Variants in DR1 observed in about 807,000 individuals in gnomAD.
The protein encoded by DR1 is protein Dr1.
A neutral mutation model predicts 19.9 loss-of-function variants in DR1; 7 were observed. That is an observed-to-expected ratio of 0.35 (90% confidence interval 0.20 to 0.66). The LOEUF (loss-of-function observed/expected upper bound fraction) is 0.66, where lower values mean the gene tolerates loss of function less well. Among genes scored for constraint, DR1 ranks in the 30% least tolerant of loss-of-function variants. The probability of loss-of-function intolerance (pLI) is 0.66; values close to 1 mark genes in which losing one functional copy is unlikely to be tolerated. For synonymous variants in DR1, 76 were observed against 72.5 expected, an observed-to-expected ratio of 1.05 and a Z score of -0.24; for missense variants, 98 against 203.7, an observed-to-expected ratio of 0.48 and a Z score of 3.16.
At chr1:93,358,267 T>C (rs1336194003) in intron 2 of DR1, among the ~76,000 whole-genome samples, 1 of 152,184 alleles carries the variant, frequency 6.6e-6, no homozygotes, top group Non-Finnish European at 1.5e-5. Context: ...CTGGACCTAG[T>C]ACTCTGCAAG....
At chr1:93,357,711 A>T (rs1667006115) in intron 2 of DR1, among the ~76,000 whole-genome samples, 1 of 151,820 alleles carries the variant, frequency 6.6e-6, no homozygotes, top group Non-Finnish European at 1.5e-5. Context: ...CTCTTCCTTT[A>T]TTAGTCTCTG....
Position 93,369,048 on chromosome 1 carries a change from ATAT to A in DR1, c.*8413_*8415del, listed in dbSNP as rs1667203286. On this transcript the variant is annotated 3_prime_UTR_variant, in exon 3 of 3. Coordinates refer to ENST00000370272, the MANE Select transcript of DR1 (RefSeq NM_001938.3). ...TTATATATCATTTACATTATGTTAGATATTATAATCTAGAGATGATTAGCATCC... is the reference window on the plus strand; with the variant it reads ...TTATATATCATTTACATTATGTTAGATATAATCTAGAGATGATTAGCATCC... The A allele has an allele frequency of 6.6e-6, 1 of 152,124 alleles. No individual in the cohort carries two copies. 9.4% of individuals were successfully genotyped at this position (152,124 alleles called of 1,614,324 possible). A position where few individuals can be genotyped will look rare whatever the true frequency, so the allele number is the denominator to read the frequency against.
chr1:93,360,973 G>T lies in DR1; in HGVS notation c.*334G>T. 1 of 167,700 alleles carries T rather than the reference G, an allele frequency of 6.0e-6. No individual in the cohort carries two copies. Among genetic ancestry groups the T allele is most frequent in the South Asian group, 1.5e-4 (1 of 6,880 alleles). 10.4% of individuals were successfully genotyped at this position (167,700 alleles called of 1,614,324 possible). A position where few individuals can be genotyped will look rare whatever the true frequency, so the allele number is the denominator to read the frequency against. Reference sequence around the variant, plus strand: ...AAAAATACAGTGAAATTTCTACAAAGCTCTAAATCTGCATTTGCATTTCCT... The same window carrying T: ...AAAAATACAGTGAAATTTCTACAAATCTCTAAATCTGCATTTGCATTTCCT... On this transcript the variant is annotated 3_prime_UTR_variant, in exon 3 of 3. Transcript: ENST00000370272.
At position 93,360,911 on chromosome 1, in the gene DR1, G is replaced by C. The variant is rs1667044481; in HGVS notation, c.*272G>C. ...TTAGATAGCAGCGAGTCCTTCGTTT[G>C]ATCAATAAACAGTGTTACAGATAAC... On this transcript the variant is annotated 3_prime_UTR_variant, in exon 3 of 3. Coordinates refer to ENST00000370272, the MANE Select transcript of DR1 (RefSeq NM_001938.3). 3.2e-5 allele frequency: 10 copies of C among 309,138 alleles called. No individual in the cohort carries two copies. The allele number at this position is 309,138 out of a possible 1,614,324, so 19.1% of individuals were successfully genotyped here. A position where few individuals can be genotyped will look rare whatever the true frequency, so the allele number is the denominator to read the frequency against.
At position 93,346,531 on chromosome 1, in the gene DR1, C is replaced by A; in HGVS notation, c.-115C>A. On this transcript the variant is annotated 5_prime_UTR_variant, in exon 1 of 3. Coordinates refer to ENST00000370272, the MANE Select transcript of DR1 (RefSeq NM_001938.3). ...CCGTTCATTTTCTGCACCCTCTTCG[C>A]AAAGCACCCCCCGGGATCACTCTCC... 1.3e-6 allele frequency: 1 copy of A among 793,740 alleles called. No individual in the cohort carries two copies. The highest frequency in any genetic ancestry group is 2.0e-6 in the Non-Finnish European group (1 of 492,080). 49.2% of individuals were successfully genotyped at this position (793,740 alleles called of 1,614,324 possible). A position where few individuals can be genotyped will look rare whatever the true frequency, so the allele number is the denominator to read the frequency against.
rs988565069 is a variant in DR1 at position 93,346,243 on chromosome 1, G to T, written c.-403G>T. ...ATAGAGCCGAGCCCGCTGGGTACCC[G>T]CCCGGTACCGCGGCGAGGCCAGTGC... On this transcript the variant is annotated 5_prime_UTR_variant, in exon 1 of 3. Coordinates refer to ENST00000370272, the MANE Select transcript of DR1 (RefSeq NM_001938.3). 1.2e-5 allele frequency: 3 copies of T among 248,926 alleles called. No individual in the cohort carries two copies. The highest frequency in any genetic ancestry group is 5.2e-5 in the Admixed American group (1 of 19,312). 15.4% of individuals were successfully genotyped at this position (248,926 alleles called of 1,614,324 possible).
In DR1 at chr1:93,366,405, G is replaced by C. The variant is rs1427889975; in HGVS notation, c.*5766G>C. ...GTCCTAATAGGCTTGTTATTTTTGAGTGCACAGATCTGTATATTCGCAATT... is the reference window on the plus strand; with the variant it reads ...GTCCTAATAGGCTTGTTATTTTTGACTGCACAGATCTGTATATTCGCAATT... On this transcript the variant is annotated 3_prime_UTR_variant, in exon 3 of 3. Transcript: ENST00000370272. 6.6e-6 allele frequency: 1 copy of C among 152,080 alleles called. No individual in the cohort carries two copies. The highest frequency in any genetic ancestry group is 1.5e-5 in the Non-Finnish European group (1 of 68,026). The allele number at this position is 152,080 out of a possible 1,614,324, so 9.4% of individuals were successfully genotyped here.
rs1667054569 is a variant in DR1, at chr1:93,361,705, T to C, written c.*1066T>C. 6.6e-6 allele frequency: 1 copy of C among 152,510 alleles called. No individual in the cohort carries two copies. The highest frequency in any genetic ancestry group is 1.5e-5 in the Non-Finnish European group (1 of 67,908). 9.4% of individuals were successfully genotyped at this position (152,510 alleles called of 1,614,324 possible). A position where few individuals can be genotyped will look rare whatever the true frequency, so the allele number is the denominator to read the frequency against. On this transcript the variant is annotated 3_prime_UTR_variant, in exon 3 of 3. Coordinates refer to ENST00000370272, the MANE Select transcript of DR1 (RefSeq NM_001938.3). ...CATTATTGTCTCCATAATTGAGTGA[T>C]AGCTTTAAAAAAAAGATTAGTTTTG... is the stretch of plus-strand genomic sequence containing the variant.
At chr1:93,355,869 T>C (rs1666974351) in intron 2 of DR1, 1 of 152,238 alleles carries the variant, frequency 6.6e-6, no homozygotes, top group Non-Finnish European at 1.5e-5. Flanking sequence ...TTTTTATCAC[T>C]TTCATTTTGT....
At chr1:93,357,329 T>A (rs1667000934) in intron 2 of DR1, among the ~76,000 whole-genome samples, 1 of 152,028 alleles carries the variant, frequency 6.6e-6, no homozygotes, top group African/African-American at 2.4e-5. Context: ...CCAAACCCTT[T>A]CATCTTTTGC....
rs1242782596 is a variant in DR1, at chr1:93,369,348, A to T, written c.*8709A>T. On this transcript the variant is annotated 3_prime_UTR_variant, in exon 3 of 3. Coordinates refer to ENST00000370272, the MANE Select transcript of DR1 (RefSeq NM_001938.3). ...GGATAGCAAAATTGTGTGCTTTTGC[A>T]AGGTAATTGTAGAACTCATTCTAAG... 6.6e-6 allele frequency: 1 copy of T among 152,214 alleles called. No homozygotes were observed. 9.4% of individuals were successfully genotyped at this position (152,214 alleles called of 1,614,324 possible).
Position 93,346,589 on chromosome 1 carries a change from A to C in DR1, c.-57A>C. 2 of 1,399,634 alleles carry C rather than the reference A, an allele frequency of 1.4e-6. No individual in the cohort carries two copies. Among genetic ancestry groups the C allele is most frequent in the Non-Finnish European group, 2.0e-6 (2 of 996,136 alleles). 86.7% of individuals were successfully genotyped at this position (1,399,634 alleles called of 1,614,324 possible). A position where few individuals can be genotyped will look rare whatever the true frequency, so the allele number is the denominator to read the frequency against. On this transcript the variant is annotated 5_prime_UTR_variant, in exon 1 of 3. Coordinates refer to ENST00000370272, the MANE Select transcript of DR1 (RefSeq NM_001938.3). ...ACTTTTTGAGAAATCTCGGTGGAGTAGTGGACCAGAGCTGGGGAGTTTTTA... is the reference window on the plus strand; with the variant it reads ...ACTTTTTGAGAAATCTCGGTGGAGTCGTGGACCAGAGCTGGGGAGTTTTTA...
chr1:93,352,002 A>G (rs1460894395), intron 1 of DR1, among the ~76,000 whole-genome samples: 4 of 152,192 alleles, frequency 2.6e-5, no homozygotes, highest in Admixed American at 6.5e-5. Context: ...GACACTGTCA[A>G]ACGCCTTATA....
chr1:93,346,409 G>A lies in DR1; in HGVS notation c.-237G>A. The A allele has an allele frequency of 9.2e-6, 5 of 541,574 alleles. No individual in the cohort carries two copies. Among genetic ancestry groups the A allele is most frequent in the South Asian group, 8.3e-5 (4 of 48,094 alleles). 33.5% of individuals were successfully genotyped at this position (541,574 alleles called of 1,614,324 possible). On this transcript the variant is annotated 5_prime_UTR_variant, in exon 1 of 3. Transcript: ENST00000370272. ...CTTTCCCCTCCTCAGCCTGGGCTGTGCTCTCTCTAGAATCCTCGGGCCCCC... is the reference window on the plus strand; with the variant it reads ...CTTTCCCCTCCTCAGCCTGGGCTGTACTCTCTCTAGAATCCTCGGGCCCCC...
At chr1:93,347,351 A>G (rs1666862296) in intron 1 of DR1, among the ~76,000 whole-genome samples, 1 of 152,202 alleles carries the variant, frequency 6.6e-6, no homozygotes, top group African/African-American at 2.4e-5. Flanking sequence ...TTAACATACA[A>G]TGTGTTCAAC....
chr1:93,363,928 G>A lies in DR1; in HGVS notation c.*3289G>A, dbSNP rs1263409962. The A allele has an allele frequency of 6.6e-6, 1 of 152,122 alleles. No individual in the cohort carries two copies. The highest frequency in any genetic ancestry group is 1.5e-5 in the Non-Finnish European group (1 of 68,018). The allele number at this position is 152,122 out of a possible 1,614,324, so 9.4% of individuals were successfully genotyped here. On this transcript the variant is annotated 3_prime_UTR_variant, in exon 3 of 3. Coordinates refer to ENST00000370272, the MANE Select transcript of DR1 (RefSeq NM_001938.3). ...AGTCTTTTGAGAATTTTTCAATTCT[G>A]AGCTATTATGAATAGTACTGTGTAG...
At position 93,368,691 on chromosome 1, in the gene DR1, G is replaced by A. The variant is rs1667198992; in HGVS notation, c.*8052G>A. ...TGTAGTAGTGTGGTTAAGCTATGAA[G>A]AACAATGGTATTTATTTCCAAAACA... On this transcript the variant is annotated 3_prime_UTR_variant, in exon 3 of 3. Transcript: ENST00000370272. 2 of 152,160 alleles carry A rather than the reference G, an allele frequency of 1.3e-5. No homozygotes were observed. The highest frequency in any genetic ancestry group is 1.3e-4 in the Admixed American group (2 of 15,280). 9.4% of individuals were successfully genotyped at this position (152,160 alleles called of 1,614,324 possible).
At chr1:93,353,144 C>T (rs544143490) in intron 1 of DR1, among the ~76,000 whole-genome samples, 2 of 152,246 alleles carry the variant, frequency 1.3e-5, no homozygotes, top group South Asian at 4.1e-4. Context: ...ATCCTCCCAC[C>T]TTGGCCTCCC....
intron 1 of DR1, among the ~76,000 whole-genome samples, chr1:93,348,842 C>T (rs1057235486): frequency 6.6e-6 from 1 of 151,958 alleles, no homozygotes; most frequent in Admixed American, 6.6e-5. Context: ...GGGTTGTAGA[C>T]TTTATACATT....
Sources: gnomAD v4.1 joint callset for allele counts (sites outside exome capture counted in the v4.1 genomes callset) on GRCh38, gnomAD v4.1.1 for gene constraint, MANE v1.5 for transcripts, NCBI Gene and HGNC (gene_info 2026-07-23, HGNC 2026-07-21) for gene names.